Variants in SPOCK3 observed in about 807,000 individuals in gnomAD.
SPOCK3 encodes the protein SPARC (osteonectin), cwcv and kazal like domains proteoglycan 3.
In SPOCK3, 30 loss-of-function variants were observed where a neutral mutation model predicts 56.6. The observed-to-expected ratio is 0.53, with a 90% CI of 0.40 to 0.72. The LOEUF (loss-of-function observed/expected upper bound fraction) is 0.72, where lower values mean the gene tolerates loss of function less well. Among genes scored for constraint, SPOCK3 ranks in the 30% least tolerant of loss-of-function variants. SPOCK3 has a pLI of 0.00. For missense variants in SPOCK3, 527 were observed against 530.0 expected, an observed-to-expected ratio of 0.99 and a Z score of 0.06; for synonymous variants, 196 against 183.3, an observed-to-expected ratio of 1.07 and a Z score of -0.56.
intron 4 of SPOCK3, among the ~76,000 whole-genome samples, chr4:166,997,531 T>G (rs1748509795): frequency 6.6e-6 from 1 of 152,218 alleles, no homozygotes. Context: ...TTGTCAAAAT[T>G]TTCTTCCTAA....
intron 7 of SPOCK3, among the ~76,000 whole-genome samples, chr4:166,768,874 C>A (rs1389272190): frequency 6.6e-6 from 1 of 152,158 alleles, no homozygotes. Flanking sequence ...TTGTTGGAAG[C>A]TTTGTTCATT....
intron 4 of SPOCK3, among the ~76,000 whole-genome samples, chr4:166,928,959 C>T (rs1036142764): frequency 6.6e-6 from 1 of 151,348 alleles, no homozygotes; most frequent in African/African-American, 2.4e-5. Context: ...TAGAGTGAGA[C>T]TCTGCCTCAA....
At chr4:166,981,161 G>A (rs1410009442) in intron 4 of SPOCK3, among the ~76,000 whole-genome samples, 2 of 152,068 alleles carry the variant, frequency 1.3e-5, no homozygotes, top group Admixed American at 1.3e-4. Flanking sequence ...GAGACCCATA[G>A]TGGGTAGCTC....
intron 2 of SPOCK3, among the ~76,000 whole-genome samples, chr4:167,093,165 T>C (rs1705420942): frequency 6.6e-6 from 1 of 152,200 alleles, no homozygotes; most frequent in African/African-American, 2.4e-5. Flanking sequence ...TACTTTTATT[T>C]ATTGCACATG....
chr4:167,216,986 C>G (rs1735427464), intron 2 of SPOCK3, among the ~76,000 whole-genome samples: 1 of 151,926 alleles, frequency 6.6e-6, no homozygotes, highest in African/African-American at 2.4e-5. Context: ...TAAATAAGAT[C>G]AGAGACTAGA....
chr4:167,065,261 G>GT lies in SPOCK3; in HGVS notation c.190-2725dup, dbSNP rs1487420441. ...CACAGAGCCCAAGAAGGTGGAAACCGTGTAGAACTGACATTGTTAGCACTG... is the reference window on the plus strand; with the variant it reads ...CACAGAGCCCAAGAAGGTGGAAACCGTTGTAGAACTGACATTGTTAGCACTG... On this transcript the variant is annotated intron_variant, in intron 2 of 10. Transcript: ENST00000357545. Among the ~76,000 whole-genome samples the GT allele has an allele frequency of 4.6e-5, 7 of 151,730 alleles. No individual in the cohort carries two copies. In the East Asian group the frequency reaches 1.4e-3, roughly 29 times the overall value.
At position 166,997,510 on chromosome 4, in the gene SPOCK3, G is replaced by A. The variant is rs545761436; in HGVS notation, c.350+2839C>T. Among the ~76,000 whole-genome samples, 13 of 152,062 alleles carry A rather than the reference G, an allele frequency of 8.5e-5. No individual in the cohort carries two copies. The East Asian group carries it at 2.3e-3, about 27-fold the overall frequency. On this transcript the variant is annotated intron_variant, in intron 4 of 10. Transcript: ENST00000357545. ...ATTATCTAGATTGACCATTTCAATT[G>A]ATCAAACTATTTGTCAAAATTTTCT...
intron 3 of SPOCK3, among the ~76,000 whole-genome samples, chr4:167,053,018 A>G (rs1189638587): frequency 6.6e-6 from 1 of 152,200 alleles, no homozygotes; most frequent in Non-Finnish European, 1.5e-5. Context: ...TGAAATCTTA[A>G]CAGCTTTTCC....
intron 8 of SPOCK3, 185 bp downstream of exon 8, chr4:166,754,323 T>A: frequency 2.3e-6 from 3 of 1,329,262 alleles, no homozygotes; most frequent in Non-Finnish European, 2.9e-6. Context: ...TTATTTAGCA[T>A]GTGTTGTATC....
chr4:167,078,265 T>C (rs1757378605), intron 2 of SPOCK3, among the ~76,000 whole-genome samples: 1 of 151,522 alleles, frequency 6.6e-6, no homozygotes, highest in African/African-American at 2.4e-5. Flanking sequence ...TTATTACCTA[T>C]GTAATAGGTA....
intron 2 of SPOCK3, among the ~76,000 whole-genome samples, chr4:167,091,998 T>C (rs1203855607): frequency 6.6e-6 from 1 of 152,128 alleles, no homozygotes; most frequent in East Asian, 1.9e-4. Flanking sequence ...AGGGGTTGGC[T>C]GGCAAGATGG....
chr4:166,899,560 G>T (rs1189231960), intron 5 of SPOCK3, among the ~76,000 whole-genome samples: 1 of 139,370 alleles, frequency 7.2e-6, no homozygotes, highest in Non-Finnish European at 1.5e-5. Flanking sequence ...AGGCTAGAGT[G>T]CAGTGGCATG....
At position 166,745,090 on chromosome 4, in the gene SPOCK3, C is replaced by T. The variant is rs140061809; in HGVS notation, c.932-3031G>A. On this transcript the variant is annotated intron_variant, in intron 8 of 10. Coordinates refer to ENST00000357545, the MANE Select transcript of SPOCK3 (RefSeq NM_001040159.2). ...CACGATATTAACCAGGAGAACTTCCCCAACCTAGCAAGGTAGGCCAACATT... is the reference window on the plus strand; with the variant it reads ...CACGATATTAACCAGGAGAACTTCCTCAACCTAGCAAGGTAGGCCAACATT... Among the ~76,000 whole-genome samples, 1,044 of 152,188 alleles carry T rather than the reference C, an allele frequency of 6.9e-3. 9 individuals carry two copies. Among genetic ancestry groups the T allele is most frequent in the African/African-American group, 0.024 (1,005 of 41,516 alleles).
chr4:167,020,281 G>A (rs1336336886), intron 3 of SPOCK3, among the ~76,000 whole-genome samples: 1 of 151,972 alleles, frequency 6.6e-6, no homozygotes, highest in Non-Finnish European at 1.5e-5. Context: ...TAACTTTTAA[G>A]GCAGATGAAG....
At chr4:166,744,756 G>A (rs2126422346) in intron 8 of SPOCK3, among the ~76,000 whole-genome samples, 1 of 152,208 alleles carries the variant, frequency 6.6e-6, no homozygotes, top group South Asian at 2.1e-4. Context: ...TTAGACAAAT[G>A]GCTAACAGGA....
At chr4:166,810,419 A>G (rs142319543) in intron 6 of SPOCK3, among the ~76,000 whole-genome samples, 40 of 152,178 alleles carry the variant, frequency 2.6e-4, no homozygotes, top group Non-Finnish European at 2.4e-4. Flanking sequence ...CTCAAAAACA[A>G]TATTTTCAAT....
chr4:167,055,768 C>G (rs1273398864), intron 3 of SPOCK3, among the ~76,000 whole-genome samples: 2 of 152,192 alleles, frequency 1.3e-5, no homozygotes, highest in Non-Finnish European at 2.9e-5. Flanking sequence ...CGCCATTGCC[C>G]AGGCTTGCTT....
At chr4:166,905,231 A>G (rs1215765019) in intron 5 of SPOCK3, among the ~76,000 whole-genome samples, 1 of 152,030 alleles carries the variant, frequency 6.6e-6, no homozygotes, top group Non-Finnish European at 1.5e-5. Context: ...TATTATTATT[A>G]TCATTACACT....
intron 3 of SPOCK3, among the ~76,000 whole-genome samples, chr4:167,058,983 C>T (rs1278366301): frequency 1.3e-5 from 2 of 152,054 alleles, no homozygotes; most frequent in Non-Finnish European, 2.9e-5. Context: ...TTCCTTACAC[C>T]TTATACAAAA....
Sources: allele counts gnomAD v4.1 joint callset (sites outside exome capture counted in the v4.1 genomes callset), GRCh38; gene constraint gnomAD v4.1.1; transcripts MANE v1.5; gene names NCBI Gene and HGNC (gene_info 2026-07-23, HGNC 2026-07-21).